The following GIPC2 variants were observed in gnomAD, a reference collection of about 807,000 sequenced individuals.
GIPC2 encodes the protein GIPC PDZ domain containing family member 2.
Under a neutral mutation model 30.6 loss-of-function variants are expected in GIPC2, and 30 were observed. The ratio of observed to expected loss-of-function variants is 0.98; its 90% CI spans 0.73 to 1.33. GIPC2 has a LOEUF of 1.33. GIPC2 is among the 40% of genes most tolerant of loss of function. The probability of loss-of-function intolerance (pLI) is 0.00; values close to 1 mark genes in which losing one functional copy is unlikely to be tolerated. For synonymous variants in GIPC2, 167 were observed against 150.0 expected (o/e 1.11, Z -0.83); for missense variants, 414 against 390.3 (o/e 1.06, Z -0.51).
At chr1:78,130,680 G>T (rs1206952555) in intron 5 of GIPC2, among the ~76,000 whole-genome samples, 1 of 152,108 alleles carries the variant, frequency 6.6e-6, no homozygotes, top group Non-Finnish European at 1.5e-5. Flanking sequence ...CCTGCTATTT[G>T]CCATTTTATA....
chr1:78,066,277 T>C (rs1290869655), intron 1 of GIPC2, among the ~76,000 whole-genome samples: 1 of 152,180 alleles, frequency 6.6e-6, no homozygotes, highest in Non-Finnish European at 1.5e-5. Context: ...AACAGTCATA[T>C]TAAAAAAAGC....
chr1:78,094,918 A>G (rs754916013), intron 2 of GIPC2, 34 bp from the exon 3 acceptor site: 4 of 1,438,568 alleles, frequency 2.8e-6, no homozygotes, highest in Non-Finnish European at 3.9e-6. Context: ...ACACAGTTCT[A>G]TTTTATATTA....
At chr1:78,104,179 G>A (rs1662300940) in intron 3 of GIPC2, among the ~76,000 whole-genome samples, 1 of 151,112 alleles carries the variant, frequency 6.6e-6, no homozygotes, top group Admixed American at 6.6e-5. Flanking sequence ...GTGTAGAGGG[G>A]GGAGAGGGGG....
At chr1:78,122,202 A>T (rs550143147) in intron 4 of GIPC2, among the ~76,000 whole-genome samples, 1 of 152,240 alleles carries the variant, frequency 6.6e-6, no homozygotes, top group Admixed American at 6.5e-5. Flanking sequence ...GGCAATTAAA[A>T]ATAGCTCATA....
intron 2 of GIPC2, 104 bp downstream of exon 2, chr1:78,080,964 C>G: frequency 1.9e-6 from 1 of 536,118 alleles, no homozygotes; most frequent in Non-Finnish European, 3.2e-6. Flanking sequence ...AGAGCCCGCT[C>G]AGCAAGGATG....
At chr1:78,128,276 C>T (rs1185638720) in intron 5 of GIPC2, among the ~76,000 whole-genome samples, 2 of 151,712 alleles carry the variant, frequency 1.3e-5, no homozygotes, top group Admixed American at 1.3e-4. Flanking sequence ...AAGCCATCCT[C>T]TTGCCTTGGC....
intron 5 of GIPC2, among the ~76,000 whole-genome samples, chr1:78,130,173 G>A (rs933930435): frequency 1.4e-5 from 2 of 144,318 alleles, no homozygotes; most frequent in African/African-American, 2.6e-5. Context: ...GCACAATCTC[G>A]CTCACTGCAA....
At chr1:78,088,497 G>A (rs1661976193) in intron 2 of GIPC2, among the ~76,000 whole-genome samples, 1 of 152,172 alleles carries the variant, frequency 6.6e-6, no homozygotes, top group African/African-American at 2.4e-5. Context: ...AATGCAGGAA[G>A]GAAGAGAAAA....
intron 3 of GIPC2, among the ~76,000 whole-genome samples, chr1:78,114,304 T>TTTAGGGCTTGGCCTGG (rs1390495741): frequency 1.3e-5 from 2 of 152,182 alleles, no homozygotes; most frequent in Non-Finnish European, 2.9e-5. Context: ...AAGTGACTGA[T>TTTAGGGCTTGGCCTGG]TTAGGGCTTG....
intron 1 of GIPC2, among the ~76,000 whole-genome samples, chr1:78,060,396 C>T (rs1366727181): frequency 1.3e-5 from 2 of 152,168 alleles, no homozygotes; most frequent in Admixed American, 1.3e-4. Flanking sequence ...TCTCCTGCCT[C>T]AGCCTCCCAA....
rs1196279115 is a variant in GIPC2, at chr1:78,050,536, GA to G, written c.240+4210del. On this transcript the variant is annotated intron_variant, in intron 1 of 5. Transcript: ENST00000370759. ...AATTAAATGAACAATTCAGTAAAAAGAAAAAAAACCCTGTAAATTAATCTCA... is the reference window on the plus strand; with the variant it reads ...AATTAAATGAACAATTCAGTAAAAAGAAAAAAACCCTGTAAATTAATCTCA... Among the ~76,000 whole-genome samples the G allele has an allele frequency of 5.4e-5, 8 of 147,818 alleles. No individual in the cohort carries two copies. The East Asian group carries it at 1.4e-3, about 25-fold the overall frequency.
intron 1 of GIPC2, among the ~76,000 whole-genome samples, chr1:78,055,359 A>G (rs1413151714): frequency 6.6e-6 from 1 of 152,140 alleles, no homozygotes; most frequent in Non-Finnish European, 1.5e-5. Flanking sequence ...GTCCATATAA[A>G]TATTTATATT....
chr1:78,126,127 C>T (rs762660771), intron 5 of GIPC2, among the ~76,000 whole-genome samples, 165 bp downstream of exon 5: 5 of 152,234 alleles, frequency 3.3e-5, no homozygotes, highest in Admixed American at 1.3e-4. Flanking sequence ...TGTTCCTTAC[C>T]GCTTTCTAGC....
At chr1:78,111,304 T>C (rs1419211512) in intron 3 of GIPC2, among the ~76,000 whole-genome samples, 1 of 152,062 alleles carries the variant, frequency 6.6e-6, no homozygotes, top group Non-Finnish European at 1.5e-5. Context: ...TTTTACTCTT[T>C]TCTCTGGGCC....
At chr1:78,092,180 C>A in intron 2 of GIPC2, 1 of 610,248 alleles carries the variant, frequency 1.6e-6, no homozygotes, top group Non-Finnish European at 2.9e-6. Context: ...TTTAAAAAAC[C>A]CAAGGGAATG....
chr1:78,105,707 A>G (rs1043097382), intron 3 of GIPC2, among the ~76,000 whole-genome samples: 1 of 152,210 alleles, frequency 6.6e-6, no homozygotes, highest in Admixed American at 6.5e-5. Context: ...ATGAAGGGGT[A>G]AAAAATGATG....
chr1:78,094,210 T>C (rs1662095583), intron 2 of GIPC2, among the ~76,000 whole-genome samples: 1 of 152,224 alleles, frequency 6.6e-6, no homozygotes, highest in Admixed American at 6.5e-5. Flanking sequence ...ATGCAGCCAA[T>C]TGAAAAAGCT....
chr1:78,116,720 G>A (rs1170055110), intron 3 of GIPC2, among the ~76,000 whole-genome samples: 2 of 152,168 alleles, frequency 1.3e-5, no homozygotes, highest in Non-Finnish European at 2.9e-5. Flanking sequence ...ATTCCATGGT[G>A]TATATGTGCC....
intron 2 of GIPC2, among the ~76,000 whole-genome samples, chr1:78,091,254 A>T (rs1030587821): frequency 6.6e-6 from 1 of 152,248 alleles, no homozygotes; most frequent in Admixed American, 6.5e-5. Flanking sequence ...AAATGAGATA[A>T]CTATTTACAA....
Sources: gnomAD v4.1 joint callset for allele counts (sites outside exome capture counted in the v4.1 genomes callset) on GRCh38, gnomAD v4.1.1 for gene constraint, MANE v1.5 for transcripts, NCBI Gene and HGNC (gene_info 2026-07-23, HGNC 2026-07-21) for gene names.